NRF1: variants seen among roughly 807,000 people sequenced by gnomAD.
The protein encoded by NRF1 is nuclear respiratory factor 1.
NRF1 carries 5 observed loss-of-function variants against 58.5 expected under a neutral mutation model. The ratio of observed to expected loss-of-function variants is 0.09; its 90% CI spans 0.04 to 0.18. The LOEUF (loss-of-function observed/expected upper bound fraction) is 0.18. Among genes scored for constraint, NRF1 ranks in the 10% least tolerant of loss-of-function variants. The pLI is 1.00. For synonymous variants in NRF1, 224 were observed against 246.7 expected (o/e 0.91, Z 0.86); for missense variants, 288 against 657.7 (o/e 0.44, Z 6.15).
At position 129,697,078 on chromosome 7, in the gene NRF1, A is replaced by G. The variant is rs981741225; in HGVS notation, c.606+6532A>G. The stretch of plus-strand genomic sequence containing the variant: ...TTAATGTTAATTATATGTATTGCCT[A>G]TATTCATTTTTGAATAACCTGAACA... On this transcript the variant is annotated intron_variant, in intron 5 of 10. Transcript: ENST00000393232. Among the ~76,000 whole-genome samples, 6 of 152,178 alleles carry G rather than the reference A, an allele frequency of 3.9e-5. No homozygotes were observed. The South Asian group carries it at 6.2e-4, about 16-fold the overall frequency.
chr7:129,755,401 C>T lies in NRF1; in HGVS notation c.*220C>T. 1 of 506,744 alleles carries T rather than the reference C, an allele frequency of 2.0e-6. No homozygotes were observed. The highest frequency in any genetic ancestry group is 3.4e-6 in the Non-Finnish European group (1 of 295,316). The allele number at this position is 506,744 out of a possible 1,614,324, so 31.4% of individuals were successfully genotyped here. A position where few individuals can be genotyped will look rare whatever the true frequency, so the allele number is the denominator to read the frequency against. On this transcript the variant is annotated 3_prime_UTR_variant, in exon 11 of 11. Coordinates refer to ENST00000393232, the MANE Select transcript of NRF1 (RefSeq NM_005011.5). This position sits in a 1 kb window ranked among gnomAD's most constrained non-coding sequence, Gnocchi z 5.8. ...TGAAGAAACTGCATTGTCAATTTCA[C>T]TGTCCCAAAAAAGCCAAATTGTGGC...
chr7:129,649,609 T>C (rs1801488997), intron 1 of NRF1, among the ~76,000 whole-genome samples: 1 of 152,168 alleles, frequency 6.6e-6, no homozygotes, highest in Admixed American at 6.6e-5. Flanking sequence ...ACCAGGGTGC[T>C]CTGGGCCAAG....
In NRF1 at chr7:129,755,812, TG is replaced by T. The variant is rs1258237221; in HGVS notation, c.*635del. The T allele has an allele frequency of 1.3e-5, 2 of 152,604 alleles. No individual in the cohort carries two copies. Among genetic ancestry groups the T allele is most frequent in the Non-Finnish European group, 2.9e-5 (2 of 68,074 alleles). The allele number at this position is 152,604 out of a possible 1,614,324, so 9.5% of individuals were successfully genotyped here. On this transcript the variant is annotated 3_prime_UTR_variant, in exon 11 of 11. Coordinates refer to ENST00000393232, the MANE Select transcript of NRF1 (RefSeq NM_005011.5). This position sits in a 1 kb window ranked among gnomAD's most constrained non-coding sequence, Gnocchi z 5.8. ...TCACCTGAGGAAAGAGGCTCCAGCATGGGGTGGGTCAGAGATGTGCTTGCAA... is the reference window on the plus strand; with the variant it reads ...TCACCTGAGGAAAGAGGCTCCAGCATGGGTGGGTCAGAGATGTGCTTGCAA...
intron 1 of NRF1, among the ~76,000 whole-genome samples, chr7:129,619,490 GTATATA>G (rs67190499): frequency 0.012 from 568 of 48,572 alleles, 7 homozygotes; most frequent in East Asian, 0.048. Flanking sequence ...GTGTGTGTGT[GTATATA>G]TATATATATA....
intron 2 of NRF1, among the ~76,000 whole-genome samples, chr7:129,661,345 A>G (rs537314711): frequency 6.6e-6 from 1 of 151,414 alleles, no homozygotes; most frequent in South Asian, 2.1e-4. Flanking sequence ...GCCAGCTTGA[A>G]GTTTTCCTCA....
At chr7:129,749,323 C>A (rs1336602271) in intron 10 of NRF1, among the ~76,000 whole-genome samples, 1 of 151,744 alleles carries the variant, frequency 6.6e-6, no homozygotes, top group African/African-American at 2.4e-5. Context: ...AGGATGACTT[C>A]AGAGCTTTTG....
At chr7:129,682,073 C>A (rs1014400839) in intron 4 of NRF1, among the ~76,000 whole-genome samples, 1 of 65,028 alleles carries the variant, frequency 1.5e-5, no homozygotes, top group Non-Finnish European at 4.7e-5. Flanking sequence ...CAGAGTGAGA[C>A]CCTGTCTCAA....
intron 2 of NRF1, 32 bp downstream of exon 2, chr7:129,657,606 AATTT>A: frequency 8.3e-7 from 1 of 1,210,454 alleles, no homozygotes; most frequent in Non-Finnish European, 1.1e-6. Context: ...GCTCTTCTTT[AATTT>A]TTTTTTTTTT....
intron 8 of NRF1, 106 bp from the exon 9 acceptor site, chr7:129,717,113 A>C: frequency 9.3e-7 from 1 of 1,080,724 alleles, no homozygotes; most frequent in Non-Finnish European, 1.3e-6. Context: ...GTTAATTTTA[A>C]AGAGTATGTG....
intron 5 of NRF1, among the ~76,000 whole-genome samples, chr7:129,696,915 T>C (rs1230960259): frequency 6.6e-6 from 1 of 152,158 alleles, no homozygotes; most frequent in East Asian, 1.9e-4. Flanking sequence ...CTACTACATA[T>C]AACCATGGTT....
intron 5 of NRF1, among the ~76,000 whole-genome samples, chr7:129,702,918 C>T (rs571923679): frequency 1.3e-5 from 2 of 151,996 alleles, no homozygotes; most frequent in Non-Finnish European, 2.9e-5. Context: ...AAATGCAGAG[C>T]AAAGATAGAG....
intron 10 of NRF1, among the ~76,000 whole-genome samples, chr7:129,747,233 A>G (rs566089676): frequency 6.6e-6 from 1 of 152,300 alleles, no homozygotes; most frequent in African/African-American, 2.4e-5. Flanking sequence ...TTGCTTATTG[A>G]CCAGTGCACT....
chr7:129,663,318 G>A (rs995760402), intron 2 of NRF1, among the ~76,000 whole-genome samples: 6 of 151,724 alleles, frequency 4.0e-5, no homozygotes, highest in Admixed American at 2.6e-4. Context: ...GAGCAGAGGC[G>A]CTCCCCACTT....
intron 10 of NRF1, among the ~76,000 whole-genome samples, chr7:129,753,296 G>A (rs1428919690): frequency 6.6e-6 from 1 of 152,134 alleles, no homozygotes; most frequent in African/African-American, 2.4e-5. Flanking sequence ...GTCAGCAAAG[G>A]TCTTTGGGTC....
intron 5 of NRF1, among the ~76,000 whole-genome samples, chr7:129,695,414 TA>T (rs1245217058): frequency 6.6e-6 from 1 of 151,842 alleles, no homozygotes; most frequent in East Asian, 1.9e-4. Context: ...CTGTCTCTAC[TA>T]AAAATACAAA....
rs1188708134 is a variant in NRF1 at position 129,619,431 on chromosome 7, T to TACACACACACACACAC, written c.-7+7608_-7+7609insCACACACACACACACA. 6.4e-4 allele frequency among the ~76,000 whole-genome samples: 46 copies of TACACACACACACACAC among 71,518 alleles called. 1 individual carries two copies. Among genetic ancestry groups the TACACACACACACACAC allele is most frequent in the African/African-American group, 3.3e-3 (43 of 12,898 alleles). 46.9% of individuals were successfully genotyped at this position (71,518 alleles called of 152,430 possible). On this transcript the variant is annotated intron_variant, in intron 1 of 10. Coordinates refer to ENST00000393232, the MANE Select transcript of NRF1 (RefSeq NM_005011.5). The stretch of plus-strand genomic sequence containing the variant: ...ATATATATATATATATATATATATA[T>TACACACACACACACAC]ATACACACACACACACATATATATA...
intron 2 of NRF1, among the ~76,000 whole-genome samples, chr7:129,661,118 C>G (rs1801770586): frequency 6.6e-6 from 1 of 151,356 alleles, no homozygotes; most frequent in Admixed American, 6.5e-5. Context: ...TGTGTTGGCC[C>G]CTTTCAGCCA....
intron 1 of NRF1, among the ~76,000 whole-genome samples, chr7:129,634,326 G>A (rs1321763797): frequency 6.6e-6 from 1 of 152,038 alleles, no homozygotes; most frequent in Non-Finnish European, 1.5e-5. Flanking sequence ...CACTAATCCA[G>A]AAGTCTCCTG....
At chr7:129,677,910 A>G in intron 4 of NRF1, 152 bp downstream of exon 4, 1 of 772,542 alleles carries the variant, frequency 1.3e-6, no homozygotes. Context: ...TGCTTTATGC[A>G]TATCAAAACA....
Sources: gnomAD v4.1 joint callset for allele counts (sites outside exome capture counted in the v4.1 genomes callset) on GRCh38, gnomAD v4.1.1 for gene constraint, Gnocchi (gnomAD v3.1) non-coding constraint, MANE v1.5 for transcripts, NCBI Gene and HGNC (gene_info 2026-07-23, HGNC 2026-07-21) for gene names.